The following NDUFB8 variants were observed in gnomAD, a reference collection of about 807,000 sequenced individuals.
NDUFB8 encodes NADH dehydrogenase [ubiquinone] 1 beta subcomplex subunit 8, mitochondrial.
Under a neutral mutation model 26.0 loss-of-function variants are expected in NDUFB8, and 17 were observed. That is an observed-to-expected ratio of 0.65 (90% confidence interval 0.45 to 0.98). The LOEUF is 0.98. Ranked by LOEUF, NDUFB8 falls within the 50% of genes least tolerant of loss-of-function variation. NDUFB8 has a pLI of 0.00. For synonymous variants in NDUFB8, 89 were observed against 93.1 expected, an observed-to-expected ratio of 0.96 and a Z score of 0.25; for missense variants, 238 against 255.0, an observed-to-expected ratio of 0.93 and a Z score of 0.45.
In NDUFB8 at chr10:100,529,435, T is replaced by TGGC; in HGVS notation, c.154_156dup (p.Ala52dup). On this transcript the variant is annotated inframe_insertion, in exon 2 of 5. Coordinates refer to ENST00000299166, the MANE Select transcript of NDUFB8 (RefSeq NM_005004.4). The stretch of plus-strand genomic sequence containing the variant: ...TCTTCCACACGCATATTATACTTCT[T>TGGC]GGCGGCGGCGGCCCGTTCTTCTGGG... 6.2e-7 allele frequency: 1 copy of TGGC among 1,612,996 alleles called. No homozygotes were observed. The highest frequency in any genetic ancestry group is 1.3e-5 in the African/African-American group (1 of 74,922).
Position 100,529,480 on chromosome 10 carries a change from G to C in NDUFB8, c.112C>G (p.Pro38Ala). The change falls in exon 2 of 5, where the codon CCG (proline) becomes GCG (alanine). Residue 38 changes from proline (P) to alanine (A), a missense_variant. Transcript: ENST00000299166. ...TASHMTKDMF[P>A]GPYPRTPEER... ...TCTGGGGTCCTAGGATAGGGCCCCG[G>C]GAACATGTCCTTGGTCATGTGGGAG... 3 of 1,612,598 alleles carry C rather than the reference G, an allele frequency of 1.9e-6. No individual in the cohort carries two copies. The South Asian group carries it at 3.3e-5, about 18-fold the overall frequency.
At chr10:100,527,750 C>G (rs530681067) in intron 2 of NDUFB8, among the ~76,000 whole-genome samples, 5 of 152,196 alleles carry the variant, frequency 3.3e-5, no homozygotes, top group Non-Finnish European at 7.3e-5. Flanking sequence ...CAGTCAATGA[C>G]GGACAACATA....
rs1057021647 is a variant in NDUFB8 at position 100,524,254 on chromosome 10, C to T, written c.469-325G>A. 2.2e-6 allele frequency: 2 copies of T among 928,922 alleles called. No homozygotes were observed. Among genetic ancestry groups the T allele is most frequent in the Non-Finnish European group, 3.4e-6 (2 of 589,726 alleles). The allele number at this position is 928,922 out of a possible 1,614,324, so 57.5% of individuals were successfully genotyped here. On this transcript the variant is annotated intron_variant, in intron 4 of 4. Transcript: ENST00000299166. The surrounding 1 kb of genome is among the most constrained non-coding windows in gnomAD (Gnocchi z 4.0). ...AAGAGTGTGTTAGAGTCAGAGGCAA[C>T]ACTTTCTAAATGAGACGATGCATCC...
At chr10:100,527,124 ATTCAGAGTC>A (rs771217781) in intron 2 of NDUFB8, 50 bp from the exon 3 acceptor site, 20 of 1,436,274 alleles carry the variant, frequency 1.4e-5, no homozygotes, top group Non-Finnish European at 2.0e-5. Context: ...GCCTCAGACA[ATTCAGAGTC>A]TCCTCATCTT....
intron 4 of NDUFB8, 48 bp from the exon 5 acceptor site, chr10:100,523,977 C>T: frequency 1.2e-6 from 2 of 1,612,630 alleles, no homozygotes; most frequent in Non-Finnish European, 1.7e-6. Flanking sequence ...CAGTCAATAC[C>T]TGGCTACACC....
chr10:100,526,681 G>C, intron 3 of NDUFB8, 127 bp from the exon 4 acceptor site: 1 of 1,194,796 alleles, frequency 8.4e-7, no homozygotes, highest in Non-Finnish European at 1.2e-6. Flanking sequence ...AATATGCTGA[G>C]AACCAGGTCT....
Position 100,526,670 on chromosome 10 carries a change from CAA to C in NDUFB8, c.313-118_313-117del. On this transcript the variant is annotated intron_variant, in intron 3 of 4. Transcript: ENST00000299166. Reference sequence around the variant, plus strand: ...ACAGAAGCATTCTACTGCCCTGGGACAATATGCTGAGAACCAGGTCTGAGGCA... The same window carrying C: ...ACAGAAGCATTCTACTGCCCTGGGACTATGCTGAGAACCAGGTCTGAGGCA... 4.7e-6 allele frequency: 6 copies of C among 1,282,026 alleles called. No individual in the cohort carries two copies. The South Asian group carries it at 7.9e-5, about 17-fold the overall frequency. 79.4% of individuals were successfully genotyped at this position (1,282,026 alleles called of 1,614,324 possible).
Position 100,524,159 on chromosome 10 carries a change from A to AG in NDUFB8, c.469-231dup. The AG allele has an allele frequency of 8.4e-7, 1 of 1,186,648 alleles. No individual in the cohort carries two copies. Among genetic ancestry groups the AG allele is most frequent in the Non-Finnish European group, 1.2e-6 (1 of 841,568 alleles). The allele number at this position is 1,186,648 out of a possible 1,614,324, so 73.5% of individuals were successfully genotyped here. A position where few individuals can be genotyped will look rare whatever the true frequency, so the allele number is the denominator to read the frequency against. ...CCTACACTGTGAGAGAGAAGGAGAA[A>AG]GGGGGAGGGAAGGGGGTTAGGGAAA... is the stretch of plus-strand genomic sequence containing the variant. On this transcript the variant is annotated intron_variant, in intron 4 of 4. Coordinates refer to ENST00000299166, the MANE Select transcript of NDUFB8 (RefSeq NM_005004.4). This position sits in a 1 kb window ranked among gnomAD's most constrained non-coding sequence, Gnocchi z 4.0.
In NDUFB8 at chr10:100,524,164, G is replaced by A; in HGVS notation, c.469-235C>T. 4 of 1,547,190 alleles carry A rather than the reference G, an allele frequency of 2.6e-6. 1 individual carries two copies. Among genetic ancestry groups the A allele is most frequent in the Non-Finnish European group, 2.6e-6 (3 of 1,136,416 alleles). ...ACTGTGAGAGAGAAGGAGAAAGGGG[G>A]AGGGAAGGGGGTTAGGGAAAGGAGG... On this transcript the variant is annotated intron_variant, in intron 4 of 4. Coordinates refer to ENST00000299166, the MANE Select transcript of NDUFB8 (RefSeq NM_005004.4). This position sits in a 1 kb window ranked among gnomAD's most constrained non-coding sequence, Gnocchi z 4.0.
intron 4 of NDUFB8, 55 bp downstream of exon 4, chr10:100,526,344 C>G: frequency 6.6e-7 from 1 of 1,517,076 alleles, no homozygotes; most frequent in Non-Finnish European, 8.8e-7. Flanking sequence ...ACTTCACTCC[C>G]TCAGGAAATG....
chr10:100,527,621 A>G (rs1852074872), intron 2 of NDUFB8, among the ~76,000 whole-genome samples: 1 of 152,184 alleles, frequency 6.6e-6, no homozygotes, highest in African/African-American at 2.4e-5. Flanking sequence ...AAACAAAACA[A>G]AAAAACCCAG....
At position 100,529,458 on chromosome 10, in the gene NDUFB8, G is replaced by C. The variant is rs765763068; in HGVS notation, c.134C>G (p.Pro45Arg). 3.1e-6 allele frequency: 5 copies of C among 1,612,786 alleles called. No homozygotes were observed. The South Asian group carries it at 5.5e-5, about 18-fold the overall frequency. ...CTTGGCGGCGGCGGCCCGTTCTTCT[G>C]GGGTCCTAGGATAGGGCCCCGGGAA... ...DMFPGPYPRT[P>R]EERAAAAKKY... The change falls in exon 2 of 5, where the codon CCA becomes CGA. Residue 45 changes from proline (P) to arginine (R), a missense_variant. By Grantham distance (103) the Pro-to-Arg change is moderately radical. Transcript: ENST00000299166.
At position 100,529,279 on chromosome 10, in the gene NDUFB8, G is replaced by A. The variant is rs575386834; in HGVS notation, c.212+101C>T. The A allele has an allele frequency of 7.5e-6, 9 of 1,205,148 alleles. No individual in the cohort carries two copies. In the East Asian group the frequency reaches 3.0e-4, roughly 40 times the overall value. 74.7% of individuals were successfully genotyped at this position (1,205,148 alleles called of 1,614,324 possible). On this transcript the variant is annotated intron_variant, in intron 2 of 4. Coordinates refer to ENST00000299166, the MANE Select transcript of NDUFB8 (RefSeq NM_005004.4). ...GCACCCACTCCATTGACTCTGAGGG[G>A]TCACGAGAAGGTTCGGGAAAAAGGG...
At chr10:100,529,046 A>T in intron 2 of NDUFB8, 16 of 180,066 alleles carry the variant, frequency 8.9e-5, no homozygotes, top group East Asian at 3.3e-4. Context: ...GGATGACAGC[A>T]CCTGAGCGCA....
chr10:100,529,280 T>C, intron 2 of NDUFB8, 100 bp downstream of exon 2: 1 of 1,036,548 alleles, frequency 9.6e-7, no homozygotes, highest in Non-Finnish European at 1.2e-6. Flanking sequence ...CTCTGAGGGG[T>C]CACGAGAAGG....
chr10:100,523,798 G>C lies in NDUFB8; in HGVS notation c.*39C>G. 6.5e-7 allele frequency: 1 copy of C among 1,536,074 alleles called. No individual in the cohort carries two copies. Among genetic ancestry groups the C allele is most frequent in the African/African-American group, 1.4e-5 (1 of 72,950 alleles). Reference sequence around the variant, plus strand: ...TAAGGTTAAATTTCTAGGAATGAGGGAGTCCTAGTTAGAGGACCCAAAAGC... The same window carrying C: ...TAAGGTTAAATTTCTAGGAATGAGGCAGTCCTAGTTAGAGGACCCAAAAGC... On this transcript the variant is annotated 3_prime_UTR_variant, in exon 5 of 5. Coordinates refer to ENST00000299166, the MANE Select transcript of NDUFB8 (RefSeq NM_005004.4).
In NDUFB8 at chr10:100,527,072, T is replaced by A; in HGVS notation, c.215A>T (p.Tyr72Phe). 1 of 1,613,916 alleles carries A rather than the reference T, an allele frequency of 6.2e-7. No homozygotes were observed. Among genetic ancestry groups the A allele is most frequent in the Non-Finnish European group, 8.5e-7 (1 of 1,179,842 alleles). The change falls in exon 3 of 5, where the codon TAT becomes TTT. Residue 72 changes from tyrosine to phenylalanine, a missense_variant and splice_region_variant. Coordinates refer to ENST00000299166, the MANE Select transcript of NDUFB8 (RefSeq NM_005004.4). ...GTCAGGGAGCTTCGGGTAGTCGCCA[T>A]ACCTGAAAGACAGCAAGAACTTCTG... ...YEPYPDDGMG[Y>F]GDYPKLPDRS...
intron 4 of NDUFB8, among the ~76,000 whole-genome samples, chr10:100,525,261 CT>C (rs889144101): frequency 3.7e-4 from 53 of 144,378 alleles, no homozygotes; most frequent in East Asian, 4.0e-4. Context: ...TCATTGTTTT[CT>C]TTTTTTTTTT....
Position 100,523,794 on chromosome 10 carries a change from G to T in NDUFB8, c.*43C>A. On this transcript the variant is annotated 3_prime_UTR_variant, in exon 5 of 5. Coordinates refer to ENST00000299166, the MANE Select transcript of NDUFB8 (RefSeq NM_005004.4). The stretch of plus-strand genomic sequence containing the variant: ...TCATTAAGGTTAAATTTCTAGGAAT[G>T]AGGGAGTCCTAGTTAGAGGACCCAA... The T allele has an allele frequency of 6.6e-7, 1 of 1,520,772 alleles. No individual in the cohort carries two copies. Among genetic ancestry groups the T allele is most frequent in the South Asian group, 1.1e-5 (1 of 88,484 alleles). 94.2% of individuals were successfully genotyped at this position (1,520,772 alleles called of 1,614,324 possible). A position where few individuals can be genotyped will look rare whatever the true frequency, so the allele number is the denominator to read the frequency against.
Sources: allele counts gnomAD v4.1 joint callset (sites outside exome capture counted in the v4.1 genomes callset), GRCh38; gene constraint gnomAD v4.1.1; non-coding constraint Gnocchi (gnomAD v3.1); transcripts MANE v1.5; gene names NCBI Gene and HGNC (gene_info 2026-07-23, HGNC 2026-07-21).